TIMM50: variants seen among roughly 807,000 people sequenced by gnomAD.
TIMM50 encodes the protein mitochondrial import inner membrane translocase subunit TIM50.
TIMM50 carries 34 observed loss-of-function variants against 49.6 expected under a neutral mutation model. That is an observed-to-expected ratio of 0.69 (90% CI 0.52 to 0.91). The LOEUF (loss-of-function observed/expected upper bound fraction) is 0.91, where lower values mean the gene tolerates loss of function less well. Ranked by LOEUF, TIMM50 falls within the 40% of genes least tolerant of loss-of-function variation. TIMM50 has a pLI of 0.00. For synonymous variants in TIMM50, 199 were observed against 198.4 expected (o/e 1.00, Z -0.03); for missense variants, 458 against 477.8 (o/e 0.96, Z 0.39).
chr19:39,482,048 C>T lies in TIMM50; in HGVS notation c.259+15C>T, dbSNP rs761930405. ...CTATATCTTTGGTGAGGGACATATC[C>T]CTGTCCCCCAGTTTTGTTCCTTGGC... is the stretch of plus-strand genomic sequence containing the variant. On this transcript the variant is annotated intron_variant, in intron 2 of 10. Transcript: ENST00000607714. 1.2e-6 allele frequency: 2 copies of T among 1,608,928 alleles called. No individual in the cohort carries two copies. The highest frequency in any genetic ancestry group is 4.5e-5 in the East Asian group (2 of 44,696).
intron 4 of TIMM50, 163 bp downstream of exon 4, chr19:39,483,319 C>T: frequency 1.2e-6 from 1 of 858,162 alleles, no homozygotes; most frequent in Admixed American, 2.5e-5. Flanking sequence ...ATTACAAAGC[C>T]CAAGCCCACT....
At chr19:39,485,284 C>T in intron 4 of TIMM50, 1 of 532,950 alleles carries the variant, frequency 1.9e-6, no homozygotes, top group East Asian at 3.3e-5. Flanking sequence ...TTTAAGTGGG[C>T]CAATGTAATA....
chr19:39,481,738 T>A (rs2079473236), intron 1 of TIMM50, 145 bp from the exon 2 acceptor site: 1 of 1,068,162 alleles, frequency 9.4e-7, no homozygotes, highest in African/African-American at 1.6e-5. Flanking sequence ...CCCCACATCC[T>A]GACTGCTACT....
In TIMM50 at chr19:39,489,638, AGGCCTGGG is replaced by A. The variant is rs547332682; in HGVS notation, c.961-79_961-72del. On this transcript the variant is annotated intron_variant, in intron 10 of 10. Transcript: ENST00000607714. ...AGAAGGAAAGGTGGTCCCTGGGCTGAGGCCTGGGGACCTGGGCATCTGGGAGGAGGCTC... is the reference window on the plus strand; with the variant it reads ...AGAAGGAAAGGTGGTCCCTGGGCTGAGACCTGGGCATCTGGGAGGAGGCTC... The A allele has an allele frequency of 4.6e-6, 6 of 1,304,250 alleles. No individual in the cohort carries two copies. The Admixed American group carries it at 1.1e-4, about 24-fold the overall frequency. 80.8% of individuals were successfully genotyped at this position (1,304,250 alleles called of 1,614,324 possible).
rs537500451 is a variant in TIMM50 at position 39,490,137 on chromosome 19, CCA to C, written c.*320_*321del. 289 of 340,618 alleles carry C rather than the reference CCA, an allele frequency of 8.5e-4. No homozygotes were observed. The highest frequency in any genetic ancestry group is 1.3e-3 in the Non-Finnish European group (242 of 180,450). The allele number at this position is 340,618 out of a possible 1,614,324, so 21.1% of individuals were successfully genotyped here. On this transcript the variant is annotated 3_prime_UTR_variant, in exon 11 of 11. Transcript: ENST00000607714. The stretch of plus-strand genomic sequence containing the variant: ...CTGTGAAAAATACATCTCCCTCTGA[CCA>C]CAGACTCCTCATCTGTGGAGAAGGG...
At position 39,491,730 on chromosome 19, in the gene TIMM50, G is replaced by A. The variant is rs2144744439; in HGVS notation, c.*1910G>A. On this transcript the variant is annotated 3_prime_UTR_variant, in exon 11 of 11. Transcript: ENST00000607714. ...CCAGCTACGTGAGAGGCTGAGGTGG[G>A]AGGAATCCCTTGAGCCAAGGAGGTC... 1 of 151,146 alleles carries A rather than the reference G, an allele frequency of 6.6e-6. No individual in the cohort carries two copies. Among genetic ancestry groups the A allele is most frequent in the South Asian group, 2.1e-4 (1 of 4,784 alleles). The allele number at this position is 151,146 out of a possible 1,614,324, so 9.4% of individuals were successfully genotyped here. A position where few individuals can be genotyped will look rare whatever the true frequency, so the allele number is the denominator to read the frequency against.
chr19:39,485,012 A>G (rs958724730), intron 4 of TIMM50: 2 of 159,002 alleles, frequency 1.3e-5, no homozygotes, highest in Non-Finnish European at 2.8e-5. Flanking sequence ...GCTGGAGTGC[A>G]GTGGTGCAAT....
At position 39,482,436 on chromosome 19, in the gene TIMM50, T is replaced by A. The variant is rs888820346; in HGVS notation, c.259+403T>A. ...ACTTTGGGAGGCCGAGGCGGGCGGA[T>A]CACGAGGTCAGGAGACGGAGACCAT... On this transcript the variant is annotated intron_variant, in intron 2 of 10. Transcript: ENST00000607714. Among the ~76,000 whole-genome samples the A allele has an allele frequency of 4.6e-5, 7 of 151,838 alleles. 1 individual carries two copies. Among genetic ancestry groups the A allele is most frequent in the Admixed American group, 1.3e-4 (2 of 15,256 alleles).
rs762687046 is a variant in TIMM50, at chr19:39,488,144, C to T, written c.780C>T (p.Asn260=). The T allele has an allele frequency of 6.8e-6, 11 of 1,613,938 alleles. No individual in the cohort carries two copies. Among genetic ancestry groups the T allele is most frequent in the Middle Eastern group, 1.6e-4 (1 of 6,084 alleles). Residue 260 remains asparagine, a synonymous_variant, in exon 9 of 11, where the codon AAC becomes AAT. Coordinates refer to ENST00000607714, the MANE Select transcript of TIMM50 (RefSeq NM_001001563.5). Reference sequence around the variant, plus strand: ...AAGCCTTCCGCCTGCAGCCCTATAACGGCGTTGCCCTGCGGCCCTGGGACG... The same window carrying T: ...AAGCCTTCCGCCTGCAGCCCTATAATGGCGTTGCCCTGCGGCCCTGGGACG... The part of the protein sequence containing the change: ...KKEAFRLQPY[N]GVALRPWDGN...
chr19:39,490,565 AT>A lies in TIMM50; in HGVS notation c.*755del, dbSNP rs892805745. On this transcript the variant is annotated 3_prime_UTR_variant, in exon 11 of 11. Coordinates refer to ENST00000607714, the MANE Select transcript of TIMM50 (RefSeq NM_001001563.5). ...TACCATACCCAGCTAATTTAAACAAATTTTTTTTTTGTAGAGATGGGGTCTT... is the reference window on the plus strand; with the variant it reads ...TACCATACCCAGCTAATTTAAACAAATTTTTTTTTGTAGAGATGGGGTCTT... 5 of 148,726 alleles carry A rather than the reference AT, an allele frequency of 3.4e-5. No homozygotes were observed. Among genetic ancestry groups the A allele is most frequent in the South Asian group, 2.1e-4 (1 of 4,674 alleles). 9.2% of individuals were successfully genotyped at this position (148,726 alleles called of 1,614,324 possible).
At chr19:39,489,017 G>A (rs916387831) in intron 10 of TIMM50, among the ~76,000 whole-genome samples, 2 of 152,100 alleles carry the variant, frequency 1.3e-5, no homozygotes, top group African/African-American at 4.8e-5. Flanking sequence ...TGTGGGGAGA[G>A]ATGTGATAGT....
Position 39,483,102 on chromosome 19 carries a change from C to G in TIMM50, c.292-33C>G, listed in dbSNP as rs769051739. On this transcript the variant is annotated intron_variant, in intron 3 of 10. Coordinates refer to ENST00000607714, the MANE Select transcript of TIMM50 (RefSeq NM_001001563.5). ...TGTGATGGGGTTCTGCCTCTGACATCCTAAACCTTCCATTTTTCTCTCTAC... is the reference window on the plus strand; with the variant it reads ...TGTGATGGGGTTCTGCCTCTGACATGCTAAACCTTCCATTTTTCTCTCTAC... 10 of 1,614,108 alleles carry G rather than the reference C, an allele frequency of 6.2e-6. No homozygotes were observed. The South Asian group carries it at 9.9e-5, about 16-fold the overall frequency.
At chr19:39,488,693 A>AAG (rs1396747958) in intron 10 of TIMM50, 48 bp downstream of exon 10, 7 of 1,480,606 alleles carry the variant, frequency 4.7e-6, no homozygotes, top group Non-Finnish European at 6.6e-6. Flanking sequence ...GAGGCTCCTG[A>AAG]AGGAGGAGCC....
chr19:39,487,199 A>C (rs1029141882), intron 8 of TIMM50, among the ~76,000 whole-genome samples: 1 of 152,110 alleles, frequency 6.6e-6, no homozygotes, highest in Non-Finnish European at 1.5e-5. Context: ...GGAACTTCCT[A>C]ATCACCTCTC....
In TIMM50 at chr19:39,486,275, C is replaced by T. The variant is rs2079505378; in HGVS notation, c.581C>T (p.Thr194Met). 3.7e-6 allele frequency: 6 copies of T among 1,614,110 alleles called. No individual in the cohort carries two copies. The highest frequency in any genetic ancestry group is 2.2e-5 in the South Asian group (2 of 91,070). The change falls in exon 7 of 11, where the codon ACG (threonine) becomes ATG (methionine). Residue 194 changes from threonine to methionine, a missense_variant. By Grantham distance (81) the Thr-to-Met change is moderately conservative (BLOSUM62 -1). Coordinates refer to ENST00000607714, the MANE Select transcript of TIMM50 (RefSeq NM_001001563.5). ...LAPLYEIVIF[T>M]SETGMTAFPL... ...CCTTTATATGAAATTGTCATCTTTA[C>T]GTCAGAGACTGGCATGGTGAGGCTC...
At chr19:39,489,470 C>T (rs898692752) in intron 10 of TIMM50, among the ~76,000 whole-genome samples, 1 of 152,066 alleles carries the variant, frequency 6.6e-6, no homozygotes, top group African/African-American at 2.4e-5. Context: ...TCTGTCGTCC[C>T]CCAAACATTG....
At chr19:39,486,892 T>G (rs894462352) in intron 8 of TIMM50, among the ~76,000 whole-genome samples, 1 of 152,088 alleles carries the variant, frequency 6.6e-6, no homozygotes, top group Non-Finnish European at 1.5e-5. Flanking sequence ...TATTCAGGAG[T>G]CCGGATCTGC....
In TIMM50 at chr19:39,485,394, G is replaced by C. The variant is rs2079497735; in HGVS notation, c.314-150G>C. The C allele has an allele frequency of 7.3e-6, 6 of 817,560 alleles. No individual in the cohort carries two copies. The South Asian group carries it at 9.6e-5, about 13-fold the overall frequency. 50.6% of individuals were successfully genotyped at this position (817,560 alleles called of 1,614,324 possible). On this transcript the variant is annotated intron_variant, in intron 4 of 10. Transcript: ENST00000607714. ...TGTTCCTATCTGGCGGTATGTCATTGCCTTCTATCTTTGGACCTAGAAATG... is the reference window on the plus strand; with the variant it reads ...TGTTCCTATCTGGCGGTATGTCATTCCCTTCTATCTTTGGACCTAGAAATG...
In TIMM50 at chr19:39,492,893, C is replaced by CAAAAAA. The variant is rs1159452213; in HGVS notation, c.*3078_*3083dup. 3.2e-5 allele frequency: 2 copies of CAAAAAA among 62,984 alleles called. No homozygotes were observed. Among genetic ancestry groups the CAAAAAA allele is most frequent in the South Asian group, 1.1e-3 (2 of 1,816 alleles). The allele number at this position is 62,984 out of a possible 1,614,324, so 3.9% of individuals were successfully genotyped here. On this transcript the variant is annotated 3_prime_UTR_variant, in exon 11 of 11. Coordinates refer to ENST00000607714, the MANE Select transcript of TIMM50 (RefSeq NM_001001563.5). Reference sequence around the variant, plus strand: ...CTCCAAAAAAAAAAAAAAAAAAAAACAAAAAAAAAACCAGTTTGACTTTAT... The same window carrying CAAAAAA: ...CTCCAAAAAAAAAAAAAAAAAAAAACAAAAAAAAAAAAAAAACCAGTTTGACTTTAT...
Sources: gnomAD v4.1 joint callset for allele counts (sites outside exome capture counted in the v4.1 genomes callset) on GRCh38, gnomAD v4.1.1 for gene constraint, MANE v1.5 for transcripts, NCBI Gene and HGNC (gene_info 2026-07-23, HGNC 2026-07-21) for gene names.